The following ERBB4 variants were observed in gnomAD, a reference collection of about 807,000 sequenced individuals.
ERBB4 encodes the protein receptor tyrosine-protein kinase erbB-4.
A neutral mutation model predicts 158.0 loss-of-function variants in ERBB4; 42 were observed. The ratio of observed to expected loss-of-function variants is 0.27; its 90% CI spans 0.21 to 0.34. ERBB4 has a LOEUF of 0.34. ERBB4 is among the 10% of genes least tolerant of loss of function. ERBB4 has a pLI of 1.00. For missense variants in ERBB4, 1,333 were observed against 1,624.1 expected (o/e 0.82, Z 3.08); for synonymous variants, 583 against 558.7 (o/e 1.04, Z -0.61).
At chr2:211,868,111 T>G (rs906197572) in intron 3 of ERBB4, among the ~76,000 whole-genome samples, 11 of 152,218 alleles carry the variant, frequency 7.2e-5, no homozygotes, top group African/African-American at 2.4e-4. Flanking sequence ...GTGTTATCTT[T>G]GCAGATTTTA....
chr2:211,703,934 C>T (rs2073344548), intron 11 of ERBB4, among the ~76,000 whole-genome samples, 170 bp downstream of exon 11: 4 of 152,128 alleles, frequency 2.6e-5, no homozygotes, highest in Admixed American at 2.6e-4. Context: ...TCTGTAATAC[C>T]TCACACCATC....
chr2:212,141,709 C>T lies in ERBB4; in HGVS notation c.83-16806G>A, dbSNP rs1485766727. ...AAAGCCACAAAACCATATGCAAATC[C>T]ATCAGCTCTTTCTTCAGAATATCTA... On this transcript the variant is annotated intron_variant, in intron 1 of 27. Transcript: ENST00000342788. Among the ~76,000 whole-genome samples, 4 of 152,088 alleles carry T rather than the reference C, an allele frequency of 2.6e-5. No homozygotes were observed. In the East Asian group the frequency reaches 5.8e-4, roughly 22 times the overall value.
chr2:211,798,533 C>A lies in ERBB4; in HGVS notation c.422-10374G>T, dbSNP rs184286093. On this transcript the variant is annotated intron_variant, in intron 3 of 27. Coordinates refer to ENST00000342788, the MANE Select transcript of ERBB4 (RefSeq NM_005235.3). ...CTTTGTTGGGTTACAATGAGAAATA[C>A]AGATAATATATACAAAACTCCAGTT... Among the ~76,000 whole-genome samples the A allele has an allele frequency of 2.6e-5, 4 of 152,180 alleles. No homozygotes were observed. The East Asian group carries it at 7.7e-4, about 29-fold the overall frequency.
intron 1 of ERBB4, among the ~76,000 whole-genome samples, chr2:212,523,170 A>G (rs1422098029): frequency 6.6e-6 from 1 of 151,948 alleles, no homozygotes; most frequent in African/African-American, 2.4e-5. Flanking sequence ...TTTATTTGTA[A>G]TTACGCCAGG....
At chr2:212,082,070 T>G (rs1205989320) in intron 2 of ERBB4, among the ~76,000 whole-genome samples, 1 of 152,126 alleles carries the variant, frequency 6.6e-6, no homozygotes, top group Non-Finnish European at 1.5e-5. Context: ...TCTTTCATAT[T>G]TATGAAATAA....
chr2:212,538,601 G>A lies in ERBB4; in HGVS notation c.-71C>T, dbSNP rs548474984. On this transcript the variant is annotated 5_prime_UTR_variant, in exon 1 of 28. Transcript: ENST00000342788. ...GGCATATCCCCCTTTCGGGCACGCG[G>A]AGGAGATCCCCCAGCCGGGCGCGCG... 6.1e-6 allele frequency: 9 copies of A among 1,482,232 alleles called. No individual in the cohort carries two copies. In the South Asian group the frequency reaches 1.0e-4, roughly 17 times the overall value. The allele number at this position is 1,482,232 out of a possible 1,614,324, so 91.8% of individuals were successfully genotyped here.
intron 2 of ERBB4, among the ~76,000 whole-genome samples, chr2:212,111,018 C>T (rs933698946): frequency 6.6e-6 from 1 of 152,188 alleles, no homozygotes; most frequent in Non-Finnish European, 1.5e-5. Context: ...GGATGCAAAG[C>T]ACATTTCCAA....
intron 2 of ERBB4, among the ~76,000 whole-genome samples, chr2:211,999,130 C>T (rs2076044153): frequency 6.6e-6 from 1 of 151,630 alleles, no homozygotes; most frequent in South Asian, 2.1e-4. Context: ...TTACACTTTT[C>T]TGACCTATAA....
intron 2 of ERBB4, among the ~76,000 whole-genome samples, chr2:212,122,137 T>G (rs1436825060): frequency 6.6e-6 from 1 of 151,610 alleles, no homozygotes; most frequent in East Asian, 1.9e-4. Context: ...TTATCATATA[T>G]GTATATAGAT....
chr2:211,554,965 T>C (rs1234775799), intron 20 of ERBB4, among the ~76,000 whole-genome samples: 1 of 152,214 alleles, frequency 6.6e-6, no homozygotes, highest in Admixed American at 6.5e-5. Flanking sequence ...TTTTAAAAAC[T>C]GCTTGCCCAA....
intron 4 of ERBB4, among the ~76,000 whole-genome samples, chr2:211,785,538 T>G (rs1575145778): frequency 6.6e-6 from 1 of 152,318 alleles, no homozygotes; most frequent in African/African-American, 2.4e-5. Context: ...CTGCCAAGAC[T>G]TTTATAGTTT....
intron 4 of ERBB4, among the ~76,000 whole-genome samples, chr2:211,757,676 A>G (rs971824692): frequency 8.5e-5 from 13 of 152,358 alleles, no homozygotes; most frequent in African/African-American, 2.6e-4. Flanking sequence ...TGCACAAAGT[A>G]TCTTCTCCAG....
chr2:212,149,027 A>C (rs7580534), intron 1 of ERBB4, among the ~76,000 whole-genome samples: 1 of 75,632 alleles, frequency 1.3e-5, no homozygotes, highest in East Asian at 4.4e-4. Flanking sequence ...GGGTGGGGGG[A>C]GGGGGGAGGG....
intron 3 of ERBB4, among the ~76,000 whole-genome samples, chr2:211,944,164 C>CTATATATATATATATA (rs71397155): frequency 5.9e-5 from 6 of 100,894 alleles, no homozygotes; most frequent in African/African-American, 1.3e-4. Flanking sequence ...TATATATACA[C>CTATATATATATATATA]TATATATATA....
chr2:211,671,343 C>T (rs2071830918), intron 14 of ERBB4, among the ~76,000 whole-genome samples: 1 of 151,932 alleles, frequency 6.6e-6, no homozygotes, highest in Admixed American at 6.6e-5. Flanking sequence ...AAACTAGGTA[C>T]TAAATAATAT....
At chr2:212,067,667 A>G (rs1240994065) in intron 2 of ERBB4, among the ~76,000 whole-genome samples, 1 of 152,052 alleles carries the variant, frequency 6.6e-6, no homozygotes. Flanking sequence ...ATCCAGGACA[A>G]GAAGTTGCTG....
chr2:211,997,286 T>C (rs905191415), intron 2 of ERBB4, among the ~76,000 whole-genome samples: 3 of 152,256 alleles, frequency 2.0e-5, no homozygotes, highest in African/African-American at 7.2e-5. Flanking sequence ...TTATAAAAAT[T>C]TCCTCAACTT....
intron 1 of ERBB4, among the ~76,000 whole-genome samples, chr2:212,328,475 T>G (rs564887949): frequency 7.0e-4 from 107 of 152,164 alleles, no homozygotes; most frequent in African/African-American, 2.4e-3. Context: ...TGTTGGGGAA[T>G]AACAAGGTCA....
chr2:212,225,218 T>A (rs1413608919), intron 1 of ERBB4, among the ~76,000 whole-genome samples: 5 of 152,224 alleles, frequency 3.3e-5, no homozygotes, highest in African/African-American at 9.6e-5. Context: ...GTTCTGTTAA[T>A]AAATCCAACT....
Sources: gnomAD v4.1 joint callset for allele counts (sites outside exome capture counted in the v4.1 genomes callset) on GRCh38, gnomAD v4.1.1 for gene constraint, MANE v1.5 for transcripts, NCBI Gene and HGNC (gene_info 2026-07-23, HGNC 2026-07-21) for gene names.